ASB3: variants seen among roughly 807,000 people sequenced by gnomAD.
ASB3 encodes the protein ankyrin repeat and SOCS box containing 3, also known as ankyrin repeat and SOCS box protein 3.
ASB3 carries 41 observed loss-of-function variants against 54.5 expected under a neutral mutation model. The observed-to-expected ratio is 0.75, with a 90% confidence interval of 0.59 to 0.98. ASB3 has a LOEUF of 0.98. ASB3 is among the 50% of genes least tolerant of loss of function. The pLI is 0.00. For synonymous variants in ASB3, 266 were observed against 221.2 expected (o/e 1.20, Z -1.80); for missense variants, 733 against 620.0 (o/e 1.18, Z -1.94).
At chr2:53,695,801 G>A (rs186034431) in intron 8 of ASB3, among the ~76,000 whole-genome samples, 9 of 152,152 alleles carry the variant, frequency 5.9e-5, no homozygotes, top group South Asian at 4.1e-4. Flanking sequence ...GGTGGGGTGC[G>A]CAGGCAGAGG....
intron 5 of ASB3, among the ~76,000 whole-genome samples, chr2:53,720,720 T>C (rs1392527800): frequency 1.3e-5 from 2 of 152,144 alleles, no homozygotes; most frequent in Admixed American, 1.3e-4. Context: ...AATTCAACAT[T>C]TGACCAATTG....
intron 1 of ASB3, chr2:53,767,769 A>G: frequency 7.9e-7 from 1 of 1,261,852 alleles, no homozygotes; most frequent in South Asian, 1.5e-5. Context: ...TTGCGCCCCA[A>G]GTGGCCATCG....
At position 53,693,833 on chromosome 2, in the gene ASB3, A is replaced by G. The variant is rs192039591; in HGVS notation, c.1369+51T>C. 3,619 of 1,581,742 alleles carry G rather than the reference A, an allele frequency of 2.3e-3. 26 individuals carry two copies. Among genetic ancestry groups the G allele is most frequent in the Middle Eastern group, 0.013 (77 of 5,922 alleles). ...CTTAAAATTACAACACAGCTAGAGA[A>G]GCAAGAGAAGGAAAAGTAGTGAAGT... On this transcript the variant is annotated intron_variant, in intron 9 of 9. Coordinates refer to ENST00000263634, the MANE Select transcript of ASB3 (RefSeq NM_016115.5).
At chr2:53,678,495 T>G (rs1037018807) in intron 9 of ASB3, among the ~76,000 whole-genome samples, 4 of 152,226 alleles carry the variant, frequency 2.6e-5, no homozygotes, top group African/African-American at 9.6e-5. Context: ...GACCAATTTG[T>G]GAGAAGTGGT....
At chr2:53,770,806 G>A (rs1029317822) in intron 1 of ASB3, among the ~76,000 whole-genome samples, 29 of 152,128 alleles carry the variant, frequency 1.9e-4, no homozygotes, top group Admixed American at 1.9e-3. Flanking sequence ...TCCCATATAA[G>A]AACTACACGA....
chr2:53,716,466 T>C, intron 6 of ASB3, 100 bp downstream of exon 6: 1 of 1,419,086 alleles, frequency 7.0e-7, no homozygotes, highest in East Asian at 2.3e-5. Flanking sequence ...GGGAAGAGAA[T>C]ATCAAAGACT....
intron 8 of ASB3, among the ~76,000 whole-genome samples, chr2:53,699,426 T>A (rs574937029): frequency 6.6e-6 from 1 of 152,204 alleles, no homozygotes; most frequent in Non-Finnish European, 1.5e-5. Flanking sequence ...CTGAAAGTAC[T>A]GGGCAAGTCA....
intron 7 of ASB3, among the ~76,000 whole-genome samples, chr2:53,703,402 A>C (rs1669598589): frequency 6.6e-6 from 1 of 152,214 alleles, no homozygotes; most frequent in African/African-American, 2.4e-5. Context: ...ATACCTACCA[A>C]AAATGTTTCA....
chr2:53,688,879 C>A lies in ASB3; in HGVS notation c.1369+5005G>T, dbSNP rs533892230. ...AGCAAACCACCAGAGCACGTGTATA[C>A]CTACATAACACACCTGCACGTCCTG... On this transcript the variant is annotated intron_variant, in intron 9 of 9. Transcript: ENST00000263634. Among the ~76,000 whole-genome samples the A allele has an allele frequency of 7.2e-5, 11 of 152,004 alleles. No homozygotes were observed. The East Asian group carries it at 1.9e-3, about 27-fold the overall frequency.
At chr2:53,728,495 T>A (rs1671130946) in intron 5 of ASB3, among the ~76,000 whole-genome samples, 1 of 152,204 alleles carries the variant, frequency 6.6e-6, no homozygotes, top group South Asian at 2.1e-4. Context: ...ATCATTATGT[T>A]CCTACTCAGA....
chr2:53,750,703 T>C, intron 3 of ASB3, 80 bp downstream of exon 3: 1 of 1,385,868 alleles, frequency 7.2e-7, no homozygotes, highest in Non-Finnish European at 9.4e-7. Flanking sequence ...GCACAACAGC[T>C]GAAGGAAAAA....
intron 9 of ASB3, among the ~76,000 whole-genome samples, chr2:53,676,609 G>A (rs533662153): frequency 2.6e-5 from 4 of 152,088 alleles, no homozygotes; most frequent in East Asian, 1.9e-4. Context: ...AGTATATGGC[G>A]TTAAAGTATA....
rs3034411 is a variant in ASB3, at chr2:53,678,140, G to GGT, written c.1370-7452_1370-7451dup. Among the ~76,000 whole-genome samples, 54 of 150,908 alleles carry GGT rather than the reference G, an allele frequency of 3.6e-4. No homozygotes were observed. The South Asian group carries it at 8.8e-3, about 25-fold the overall frequency. On this transcript the variant is annotated intron_variant, in intron 9 of 9. Transcript: ENST00000263634. ...CATCATCTCATATAGTTACCTTGCT[G>GGT]GTGTGTGTGTGTGTGTGTGCATGTG...
chr2:53,710,337 T>A (rs144279874), intron 7 of ASB3, among the ~76,000 whole-genome samples: 1 of 152,398 alleles, frequency 6.6e-6, no homozygotes, highest in African/African-American at 2.4e-5. Flanking sequence ...GATTATTGTA[T>A]TTTTCCGTCT....
intron 8 of ASB3, 59 bp from the exon 9 acceptor site, chr2:53,694,073 T>C: frequency 1.9e-6 from 3 of 1,584,664 alleles, no homozygotes. Context: ...GGTTCGTACT[T>C]GAAACAAACA....
Position 53,703,110 on chromosome 2 carries a change from T to C in ASB3, c.981-2582A>G, listed in dbSNP as rs956647679. On this transcript the variant is annotated intron_variant, in intron 7 of 9. Transcript: ENST00000263634. ...AAGCCACAATCTACTTCTGTGGCCA[T>C]ATATAAAAGGCATTCATATTTGCTC... 3.3e-5 allele frequency among the ~76,000 whole-genome samples: 5 copies of C among 152,352 alleles called. No individual in the cohort carries two copies. In the East Asian group the frequency reaches 5.8e-4, roughly 18 times the overall value.
intron 5 of ASB3, among the ~76,000 whole-genome samples, chr2:53,720,387 T>A (rs1020258826): frequency 6.6e-6 from 1 of 152,100 alleles, no homozygotes. Flanking sequence ...ACTTCCTAAA[T>A]TGACTGAGAT....
intron 2 of ASB3, among the ~76,000 whole-genome samples, chr2:53,754,556 T>G (rs1217578091): frequency 1.3e-5 from 2 of 152,234 alleles, no homozygotes; most frequent in Non-Finnish European, 1.5e-5. Flanking sequence ...AACTTTAAAA[T>G]CACTGGACCA....
At chr2:53,731,119 C>G (rs1671282478) in intron 3 of ASB3, among the ~76,000 whole-genome samples, 1 of 152,038 alleles carries the variant, frequency 6.6e-6, no homozygotes, top group African/African-American at 2.4e-5. Context: ...AAAAAATTCT[C>G]CACCGAGTGT....
Sources: allele counts gnomAD v4.1 joint callset (sites outside exome capture counted in the v4.1 genomes callset), GRCh38; gene constraint gnomAD v4.1.1; transcripts MANE v1.5; gene names NCBI Gene and HGNC (gene_info 2026-07-23, HGNC 2026-07-21).